SRGAP2: variants seen among roughly 807,000 people sequenced by gnomAD.
SRGAP2 encodes the protein SLIT-ROBO Rho GTPase-activating protein 2.
In SRGAP2, 15 loss-of-function variants were observed where a neutral mutation model predicts 57.2. That is an observed-to-expected ratio of 0.26 (90% CI 0.18 to 0.40). The LOEUF (loss-of-function observed/expected upper bound fraction) is 0.40, where lower values mean the gene tolerates loss of function less well. Ranked by LOEUF, SRGAP2 falls within the 10% of genes least tolerant of loss-of-function variation. SRGAP2 has a pLI of 1.00. For synonymous variants in SRGAP2, 249 were observed against 248.0 expected (o/e 1.00, Z -0.04); for missense variants, 520 against 669.6 (o/e 0.78, Z 2.47).
chr1:206,268,081 A>ATTTT (rs71568075), intron 2 of SRGAP2, among the ~76,000 whole-genome samples: 2 of 145,258 alleles, frequency 1.4e-5, no homozygotes, highest in African/African-American at 2.6e-5. Flanking sequence ...ATATATATAT[A>ATTTT]TTTTTTTTTT....
Position 206,454,812 on chromosome 1 carries a change from T to A in SRGAP2, c.2361-66T>A. 1.4e-6 allele frequency: 1 copy of A among 698,908 alleles called. No homozygotes were observed. The highest frequency in any genetic ancestry group is 1.6e-5 in the South Asian group (1 of 60,964). The allele number at this position is 698,908 out of a possible 1,614,324, so 43.3% of individuals were successfully genotyped here. On this transcript the variant is annotated intron_variant, in intron 20 of 22. Transcript: ENST00000573034. This position sits in a 1 kb window ranked among gnomAD's most constrained non-coding sequence, Gnocchi z 4.3. ...TATGTCGGGGGGCCATCTTGCCGAT[T>A]TAACGCTGCTTTTTGTGTTGTTGTT...
intron 2 of SRGAP2, among the ~76,000 whole-genome samples, chr1:206,221,153 G>T (rs1393250196): frequency 1.4e-4 from 21 of 148,382 alleles, no homozygotes; most frequent in African/African-American, 5.2e-4. Flanking sequence ...TGTTGTTCAG[G>T]CTGGTCTCGA....
chr1:206,363,918 A>G (rs1398308968), intron 4 of SRGAP2, among the ~76,000 whole-genome samples: 1 of 152,152 alleles, frequency 6.6e-6, no homozygotes, highest in Non-Finnish European at 1.5e-5. Flanking sequence ...CTATGTAAAT[A>G]TCCTATTTCT....
chr1:206,212,144 T>C (rs1303240080), intron 2 of SRGAP2, among the ~76,000 whole-genome samples: 1 of 152,232 alleles, frequency 6.6e-6, no homozygotes, highest in Non-Finnish European at 1.5e-5. Context: ...ATAATGCTGC[T>C]GTGAACATAG....
At chr1:206,431,760 G>A (rs1353623020) in intron 14 of SRGAP2, among the ~76,000 whole-genome samples, 2 of 152,240 alleles carry the variant, frequency 1.3e-5, no homozygotes, top group African/African-American at 4.8e-5. Context: ...AGGGTGAGGG[G>A]ATGGAGAAGG....
Position 206,458,885 on chromosome 1 carries a change from A to G in SRGAP2, c.2770A>G (p.Thr924Ala). 2.6e-6 allele frequency: 2 copies of G among 780,376 alleles called. No homozygotes were observed. The highest frequency in any genetic ancestry group is 2.7e-5 in the South Asian group (2 of 74,492). 48.3% of individuals were successfully genotyped at this position (780,376 alleles called of 1,614,324 possible). ...LDSPQIRKTA[T>A]AGRSKSFNNH... is the part of the protein sequence containing the mutation. The stretch of plus-strand genomic sequence containing the variant: ...TAGTCCACAGATCCGGAAGACTGCC[A>G]CAGCGGGAAGGTCAAAAAGCTTCAA... Residue 924 changes from threonine (T) to alanine (A), a missense_variant, in exon 22 of 23, where the codon ACA becomes GCA. Thr to Ala is a moderately conservative substitution (Grantham distance 58, BLOSUM62 0). Coordinates refer to ENST00000573034, the MANE Select transcript of SRGAP2 (RefSeq NM_015326.5).
At chr1:206,313,690 A>G (rs1553325036) in intron 3 of SRGAP2, among the ~76,000 whole-genome samples, 1 of 152,184 alleles carries the variant, frequency 6.6e-6, no homozygotes, top group African/African-American at 2.4e-5. Flanking sequence ...ATAGGTATGA[A>G]CTCTGATTAA....
intron 5 of SRGAP2, among the ~76,000 whole-genome samples, chr1:206,384,798 T>A (rs1185425574): frequency 4.7e-5 from 7 of 150,306 alleles, no homozygotes; most frequent in African/African-American, 1.2e-4. Flanking sequence ...AAACACACAC[T>A]CACACACATA....
chr1:206,413,553 G>T (rs1659402145), intron 10 of SRGAP2, among the ~76,000 whole-genome samples: 1 of 152,176 alleles, frequency 6.6e-6, no homozygotes, highest in African/African-American at 2.4e-5. Flanking sequence ...GTAAGATTTG[G>T]TTTTGGCTTG....
rs782074507 is a variant in SRGAP2, at chr1:206,461,021, T to C, written c.2833-16T>C. On this transcript the variant is annotated splice_polypyrimidine_tract_variant and intron_variant, in intron 22 of 22. Transcript: ENST00000573034. ...CCCCTCATTTGCCTCACCTCCTCCT[T>C]TTTCCTGTTTTGCAGGATATTGAGG... The C allele has an allele frequency of 4.3e-5, 29 of 677,580 alleles. No homozygotes were observed. The highest frequency in any genetic ancestry group is 9.0e-5 in the Admixed American group (4 of 44,466). The allele number at this position is 677,580 out of a possible 1,614,324, so 42.0% of individuals were successfully genotyped here.
intron 12 of SRGAP2, 117 bp downstream of exon 12, chr1:206,419,517 C>T (rs1553363567): frequency 4.1e-6 from 3 of 733,950 alleles, no homozygotes; most frequent in Non-Finnish European, 7.6e-6. Flanking sequence ...CTTTACAAAG[C>T]AATGGCCTGG....
chr1:206,434,874 G>T (rs1553369454), intron 14 of SRGAP2, among the ~76,000 whole-genome samples: 1 of 152,200 alleles, frequency 6.6e-6, no homozygotes, highest in East Asian at 1.9e-4. Context: ...TCAAGAATTT[G>T]TGCAATGGCT....
intron 2 of SRGAP2, among the ~76,000 whole-genome samples, chr1:206,302,032 T>C (rs1349402477): frequency 6.6e-5 from 10 of 151,832 alleles, no homozygotes; most frequent in Non-Finnish European, 1.5e-5. Context: ...TTACATAGCA[T>C]AGACAGAAAG....
At chr1:206,364,594 C>A (rs1653772496) in intron 4 of SRGAP2, among the ~76,000 whole-genome samples, 1 of 151,472 alleles carries the variant, frequency 6.6e-6, no homozygotes, top group Admixed American at 6.6e-5. Flanking sequence ...AGCCACTGCA[C>A]CCGGCCCTGG....
intron 3 of SRGAP2, among the ~76,000 whole-genome samples, chr1:206,340,164 T>C (rs1465495326): frequency 1.3e-5 from 2 of 150,508 alleles, no homozygotes; most frequent in Non-Finnish European, 2.9e-5. Context: ...CCATCCTGTT[T>C]ATTGACCCAT....
chr1:206,289,935 G>A (rs1671218410), intron 2 of SRGAP2, among the ~76,000 whole-genome samples: 2 of 149,882 alleles, frequency 1.3e-5, no homozygotes, highest in South Asian at 4.3e-4. Context: ...AGGAGGATAC[G>A]GAATGTACAG....
At chr1:206,360,020 A>C (rs1325524297) in intron 4 of SRGAP2, among the ~76,000 whole-genome samples, 5 of 151,148 alleles carry the variant, frequency 3.3e-5, no homozygotes, top group African/African-American at 1.2e-4. Context: ...TTTAGCCAGG[A>C]TGGTCTCGAT....
chr1:206,423,949 A>ATTTTT (rs782243765), intron 13 of SRGAP2, among the ~76,000 whole-genome samples: 37 of 87,710 alleles, frequency 4.2e-4, no homozygotes, highest in Non-Finnish European at 4.8e-4. Context: ...TAATTTATGT[A>ATTTTT]TTTTTTTTTT....
chr1:206,393,729 C>T (rs1553352264), intron 7 of SRGAP2, 56 bp downstream of exon 7: 1 of 571,258 alleles, frequency 1.8e-6, no homozygotes, highest in East Asian at 2.8e-5. Flanking sequence ...TCAGAATACT[C>T]GTCAGACATT....
Sources: allele counts gnomAD v4.1 joint callset (sites outside exome capture counted in the v4.1 genomes callset), GRCh38; gene constraint gnomAD v4.1.1; non-coding constraint Gnocchi (gnomAD v3.1); transcripts MANE v1.5; gene names NCBI Gene and HGNC (gene_info 2026-07-23, HGNC 2026-07-21).